Variants in SEL1L2 observed in about 807,000 individuals in gnomAD.
SEL1L2 encodes the protein protein sel-1 homolog 2.
In SEL1L2, 89 loss-of-function variants were observed where a neutral mutation model predicts 98.8. That is an observed-to-expected ratio of 0.90 (90% CI 0.76 to 1.07). The LOEUF is 1.07. Among genes scored for constraint, SEL1L2 ranks in the 50% least tolerant of loss-of-function variants. SEL1L2 has a pLI of 0.00. For synonymous variants in SEL1L2, 262 were observed against 278.5 expected, an observed-to-expected ratio of 0.94 and a Z score of 0.59; for missense variants, 788 against 812.0, an observed-to-expected ratio of 0.97 and a Z score of 0.36.
chr20:13,884,577 G>T (rs1458303129), intron 10 of SEL1L2, among the ~76,000 whole-genome samples: 1 of 151,998 alleles, frequency 6.6e-6, no homozygotes, highest in African/African-American at 2.4e-5. Flanking sequence ...GCATGATCTG[G>T]GCTCACTGCA....
intron 1 of SEL1L2, among the ~76,000 whole-genome samples, chr20:13,968,102 C>T (rs369869665): frequency 1.3e-5 from 2 of 152,194 alleles, no homozygotes; most frequent in East Asian, 3.8e-4. Context: ...CTTTTATTCT[C>T]TCTTCCTCAT....
intron 2 of SEL1L2, among the ~76,000 whole-genome samples, chr20:13,943,398 G>A (rs190142062): frequency 1.8e-3 from 267 of 151,820 alleles, no homozygotes; most frequent in Middle Eastern, 6.9e-3. Context: ...TACATGCAAG[G>A]AGCAGAAAAT....
Position 13,946,821 on chromosome 20 carries a change from G to A in SEL1L2, c.114+9255C>T, listed in dbSNP as rs1020022173. Among the ~76,000 whole-genome samples, 5 of 152,272 alleles carry A rather than the reference G, an allele frequency of 3.3e-5. No homozygotes were observed. In the East Asian group the frequency reaches 9.6e-4, roughly 29 times the overall value. On this transcript the variant is annotated intron_variant, in intron 2 of 19. Transcript: ENST00000284951. ...GGTACTGTGATTTTGGAGCAAAACT[G>A]AGGTGGAGCCTGGGCACTGTTGCAA...
At chr20:13,876,533 A>T (rs1446061291) in intron 11 of SEL1L2, among the ~76,000 whole-genome samples, 1 of 151,976 alleles carries the variant, frequency 6.6e-6, no homozygotes, top group African/African-American at 2.4e-5. Flanking sequence ...AGGGGAGTGA[A>T]TAGTCTTTGA....
At chr20:13,959,476 G>T (rs1415253561) in intron 1 of SEL1L2, among the ~76,000 whole-genome samples, 1 of 152,178 alleles carries the variant, frequency 6.6e-6, no homozygotes, top group African/African-American at 2.4e-5. Context: ...GCCTGAGCCA[G>T]CATTGGTCAA....
intron 3 of SEL1L2, among the ~76,000 whole-genome samples, chr20:13,926,119 C>T (rs919967187): frequency 4.6e-5 from 7 of 152,162 alleles, no homozygotes; most frequent in South Asian, 2.1e-4. Flanking sequence ...GAGATTGAGA[C>T]CATCCTGGCT....
chr20:13,975,989 G>A (rs1042387225), intron 1 of SEL1L2, among the ~76,000 whole-genome samples: 6 of 144,524 alleles, frequency 4.2e-5, no homozygotes, highest in African/African-American at 1.5e-4. Context: ...AGCCACCAAG[G>A]TTTTTTGTTT....
intron 4 of SEL1L2, among the ~76,000 whole-genome samples, chr20:13,915,473 C>T (rs1270208665): frequency 1.3e-5 from 2 of 152,196 alleles, no homozygotes; most frequent in Admixed American, 6.5e-5. Flanking sequence ...TTGAGCCTTT[C>T]TGTCACGTGG....
At chr20:13,856,563 T>C (rs1285847006) in intron 18 of SEL1L2, among the ~76,000 whole-genome samples, 4 of 152,160 alleles carry the variant, frequency 2.6e-5, no homozygotes, top group African/African-American at 9.7e-5. Context: ...CCATTATTCA[T>C]TGTTCCCAGA....
chr20:13,934,153 T>C (rs1600814422), intron 2 of SEL1L2, among the ~76,000 whole-genome samples: 5 of 149,668 alleles, frequency 3.3e-5, no homozygotes, highest in East Asian at 4.0e-4. Flanking sequence ...CCAAAGTCCA[T>C]TGTATCATTC....
chr20:13,854,732 G>A lies in SEL1L2; in HGVS notation c.1819-4413C>T, dbSNP rs577758640. Among the ~76,000 whole-genome samples the A allele has an allele frequency of 7.2e-5, 11 of 152,282 alleles. No individual in the cohort carries two copies. The South Asian group carries it at 1.0e-3, about 14-fold the overall frequency. ...AATGAAAAGCAGAGTGCAATACCAT[G>A]ATGGTTTAGAAGTAGATATCTTTTA... On this transcript the variant is annotated intron_variant, in intron 18 of 19. Coordinates refer to ENST00000284951, the MANE Select transcript of SEL1L2 (RefSeq NM_025229.2).
At chr20:13,994,649 T>C (rs2052599970), upstream of SEL1L2, among the ~76,000 whole-genome samples, 2 of 152,288 alleles carry the variant, frequency 1.3e-5, no homozygotes, top group Admixed American at 1.3e-4. Context: ...TTAGTGAAAC[T>C]GGATTTTCAG....
At chr20:13,895,357 G>A (rs1023684578) in intron 5 of SEL1L2, among the ~76,000 whole-genome samples, 1 of 148,870 alleles carries the variant, frequency 6.7e-6, no homozygotes, top group Admixed American at 6.8e-5. Flanking sequence ...GTAGGAGGAT[G>A]AATTGAGCCC....
chr20:13,942,935 C>A (rs1006794525), intron 2 of SEL1L2, among the ~76,000 whole-genome samples: 6 of 151,988 alleles, frequency 3.9e-5, no homozygotes, highest in South Asian at 4.1e-4. Flanking sequence ...TTTTCCTAGG[C>A]TTTTCAATTA....
upstream of SEL1L2, among the ~76,000 whole-genome samples, chr20:13,994,294 T>G (rs1426161313): frequency 2.7e-5 from 1 of 37,700 alleles, no homozygotes; most frequent in Non-Finnish European, 4.9e-5. Flanking sequence ...AAACTCTGCC[T>G]CAAAAAAAAA....
intron 4 of SEL1L2, chr20:13,915,172 G>A: frequency 7.8e-7 from 1 of 1,289,702 alleles, no homozygotes; most frequent in Non-Finnish European, 1.0e-6. Context: ...CTCTTGGGCA[G>A]AAGCTGGAGC....
At chr20:13,941,762 G>A (rs984157265) in intron 2 of SEL1L2, among the ~76,000 whole-genome samples, 1 of 152,152 alleles carries the variant, frequency 6.6e-6, no homozygotes, top group African/African-American at 2.4e-5. Flanking sequence ...AACATTAAAT[G>A]TATTTGTCTA....
chr20:13,971,673 G>A (rs192836927), intron 1 of SEL1L2, among the ~76,000 whole-genome samples: 1 of 151,718 alleles, frequency 6.6e-6, no homozygotes, highest in African/African-American at 2.4e-5. Context: ...GAGCGCAGGT[G>A]ATCCACCCAC....
chr20:13,850,051 G>C (rs1987967997), intron 19 of SEL1L2, 140 bp downstream of exon 19: 1 of 845,320 alleles, frequency 1.2e-6, no homozygotes, highest in Non-Finnish European at 1.8e-6. Flanking sequence ...ACTCTGCATG[G>C]CAAGTGTAAG....
Sources: gnomAD v4.1 joint callset for allele counts (sites outside exome capture counted in the v4.1 genomes callset) on GRCh38, gnomAD v4.1.1 for gene constraint, MANE v1.5 for transcripts, NCBI Gene and HGNC (gene_info 2026-07-23, HGNC 2026-07-21) for gene names.